MARCHF1: variants seen among roughly 807,000 people sequenced by gnomAD.
MARCHF1 encodes the protein membrane associated ring-CH-type finger 1.
MARCHF1 carries 40 observed loss-of-function variants against 54.2 expected under a neutral mutation model. The observed-to-expected ratio is 0.74, with a 90% CI of 0.57 to 0.96. MARCHF1 has a LOEUF of 0.96. Ranked by LOEUF, MARCHF1 falls within the 40% of genes least tolerant of loss-of-function variation. The pLI, the probability that MARCHF1 is intolerant of heterozygous loss-of-function variation, is 0.00. For missense variants in MARCHF1, 586 were observed against 656.5 expected, an observed-to-expected ratio of 0.89 and a Z score of 1.17; for synonymous variants, 236 against 236.3, an observed-to-expected ratio of 1.00 and a Z score of 0.01.
intron 3 of MARCHF1, among the ~76,000 whole-genome samples, chr4:163,863,439 G>T (rs6825864): frequency 2.0e-5 from 3 of 152,010 alleles, no homozygotes; most frequent in Non-Finnish European, 1.5e-5. Flanking sequence ...TTAGACAGAG[G>T]TTTGGCAGAT....
chr4:163,805,725 T>C (rs1365289636), intron 4 of MARCHF1, among the ~76,000 whole-genome samples: 8 of 152,150 alleles, frequency 5.3e-5, no homozygotes, highest in Non-Finnish European at 1.2e-4. Flanking sequence ...ATGCAGACCT[T>C]GGTGTATTCC....
intron 5 of MARCHF1, among the ~76,000 whole-genome samples, chr4:163,647,680 TAAAAAG>T (rs2111057941): frequency 6.6e-6 from 1 of 150,780 alleles, no homozygotes; most frequent in South Asian, 2.1e-4. Context: ...AAGGAAGAAA[TAAAAAG>T]AAAAATAAAA....
rs115595386 is a variant in MARCHF1 at position 163,778,053 on chromosome 4, C to T, written c.111+75968G>A. Reference sequence around the variant, plus strand: ...TATATACTCTTGTTCTTCCAATTAACGTAGTATTTTTGAGAATCATTCATG... The same window carrying T: ...TATATACTCTTGTTCTTCCAATTAATGTAGTATTTTTGAGAATCATTCATG... On this transcript the variant is annotated intron_variant, in intron 4 of 9. Transcript: ENST00000514618. 3.2e-3 allele frequency among the ~76,000 whole-genome samples: 483 copies of T among 152,230 alleles called. 4 individuals are homozygous for T. Among genetic ancestry groups the T allele is most frequent in the African/African-American group, 0.011 (454 of 41,538 alleles).
At chr4:164,307,661 T>G (rs1455888827) in intron 1 of MARCHF1, among the ~76,000 whole-genome samples, 1 of 152,224 alleles carries the variant, frequency 6.6e-6, no homozygotes, top group African/African-American at 2.4e-5. Flanking sequence ...ATGCTCCTCT[T>G]GTGGATTGTC....
chr4:163,815,719 T>A (rs1054638991), intron 4 of MARCHF1, among the ~76,000 whole-genome samples: 1 of 152,214 alleles, frequency 6.6e-6, no homozygotes, highest in Non-Finnish European at 1.5e-5. Flanking sequence ...CCAAGAATTT[T>A]AATCATTTTT....
At chr4:163,840,776 CT>C (rs1281314355) in intron 4 of MARCHF1, among the ~76,000 whole-genome samples, 6 of 151,988 alleles carry the variant, frequency 3.9e-5, no homozygotes, top group South Asian at 2.1e-4. Context: ...GTTCTCACCC[CT>C]GACCCCCAAC....
intron 1 of MARCHF1, among the ~76,000 whole-genome samples, chr4:164,318,304 C>T (rs958266540): frequency 2.6e-5 from 4 of 152,024 alleles, no homozygotes; most frequent in African/African-American, 9.7e-5. Context: ...AAGTAAAATC[C>T]ACAGTGCAAG....
chr4:164,229,113 A>G (rs1179477592), intron 1 of MARCHF1, among the ~76,000 whole-genome samples: 1 of 152,204 alleles, frequency 6.6e-6, no homozygotes, highest in Non-Finnish European at 1.5e-5. Context: ...GGCAGCTTTT[A>G]TCAACGGAAG....
chr4:163,802,131 A>AC (rs34095746), intron 4 of MARCHF1, among the ~76,000 whole-genome samples: 80,450 of 151,576 alleles, frequency 0.53, 21,631 homozygotes, highest in East Asian at 0.85. Flanking sequence ...GTTTCTCTAA[A>AC]TTTTCCTCTG....
intron 3 of MARCHF1, among the ~76,000 whole-genome samples, chr4:163,930,002 A>C (rs1751634627): frequency 9.6e-6 from 1 of 104,288 alleles, no homozygotes; most frequent in African/African-American, 3.5e-5. Flanking sequence ...AATATATTAT[A>C]TATAAATATA....
chr4:164,318,231 C>A (rs1735048444), intron 1 of MARCHF1, among the ~76,000 whole-genome samples: 3 of 152,290 alleles, frequency 2.0e-5, no homozygotes, highest in African/African-American at 4.8e-5. Context: ...TTATCAACTG[C>A]AGACTTGTGC....
chr4:163,632,819 A>T (rs941394711), intron 5 of MARCHF1, among the ~76,000 whole-genome samples: 1 of 152,250 alleles, frequency 6.6e-6, no homozygotes, highest in Non-Finnish European at 1.5e-5. Flanking sequence ...AAAAGACAGC[A>T]GTAACCTCTG....
Position 164,199,681 on chromosome 4 carries a change from C to CACAGAG in MARCHF1, c.-322-88020_-322-88019insCTCTGT, listed in dbSNP as rs1462208986. Among the ~76,000 whole-genome samples the CACAGAG allele has an allele frequency of 2.9e-4, 14 of 47,658 alleles. No homozygotes were observed. In the South Asian group the frequency reaches 6.2e-3, roughly 21 times the overall value. 31.3% of individuals were successfully genotyped at this position (47,658 alleles called of 152,430 possible). On this transcript the variant is annotated intron_variant, in intron 1 of 9. Transcript: ENST00000514618. ...ACACACACACACACACACACACACA[C>CACAGAG]AGAGAGAGAGAGAGAGAGAGAGAGA...
chr4:163,675,417 G>C (rs960900223), intron 5 of MARCHF1, among the ~76,000 whole-genome samples: 1 of 152,118 alleles, frequency 6.6e-6, no homozygotes, highest in Non-Finnish European at 1.5e-5. Flanking sequence ...CAAATATCAG[G>C]GGAACGTGGG....
At chr4:163,997,062 T>C (rs1274213045) in intron 2 of MARCHF1, among the ~76,000 whole-genome samples, 1 of 151,984 alleles carries the variant, frequency 6.6e-6, no homozygotes, top group Non-Finnish European at 1.5e-5. Context: ...GTTAACCCTC[T>C]GCATAACACT....
chr4:163,934,724 T>C (rs1188015786), intron 3 of MARCHF1, among the ~76,000 whole-genome samples: 2 of 151,900 alleles, frequency 1.3e-5, no homozygotes, highest in African/African-American at 4.8e-5. Context: ...TTACTTCCTC[T>C]CCTGAAGTCT....
At chr4:163,940,072 T>C (rs1372358914) in intron 3 of MARCHF1, among the ~76,000 whole-genome samples, 4 of 152,118 alleles carry the variant, frequency 2.6e-5, no homozygotes, top group African/African-American at 9.6e-5. Context: ...AATAATTTTC[T>C]TCCTCTCTCC....
At chr4:163,651,785 T>A (rs1383367174) in intron 5 of MARCHF1, among the ~76,000 whole-genome samples, 5 of 148,862 alleles carry the variant, frequency 3.4e-5, no homozygotes, top group Non-Finnish European at 7.4e-5. Context: ...CTATTCACAT[T>A]CTCCATTTCC....
intron 5 of MARCHF1, among the ~76,000 whole-genome samples, chr4:163,615,120 C>T: frequency 6.6e-6 from 1 of 151,966 alleles, no homozygotes; most frequent in Non-Finnish European, 1.5e-5. Flanking sequence ...TACTGGATCC[C>T]AGGACGTGAT....
Sources: allele counts gnomAD v4.1 joint callset (sites outside exome capture counted in the v4.1 genomes callset), GRCh38; gene constraint gnomAD v4.1.1; transcripts MANE v1.5; gene names NCBI Gene and HGNC (gene_info 2026-07-23, HGNC 2026-07-21).